Variants in ATP1A1 observed in about 807,000 individuals in gnomAD.
ATP1A1 encodes sodium/potassium-transporting ATPase subunit alpha-1.
In ATP1A1, 14 loss-of-function variants were observed where a neutral mutation model predicts 114.8. That is an observed-to-expected ratio of 0.12 (90% CI 0.08 to 0.19). The LOEUF is 0.19. ATP1A1 is among the 10% of genes least tolerant of loss of function. The pLI, the probability that ATP1A1 is intolerant of heterozygous loss-of-function variation, is 1.00. For missense variants in ATP1A1, 524 were observed against 1,290.7 expected, an observed-to-expected ratio of 0.41 and a Z score of 9.10; for synonymous variants, 471 against 466.3, an observed-to-expected ratio of 1.01 and a Z score of -0.13.
Position 116,393,120 on chromosome 1 carries a change from T to A in ATP1A1, c.1467+132T>A. 1 of 1,285,718 alleles carries A rather than the reference T, an allele frequency of 7.8e-7. No homozygotes were observed. Among genetic ancestry groups the A allele is most frequent in the Non-Finnish European group, 1.1e-6 (1 of 943,274 alleles). 79.6% of individuals were successfully genotyped at this position (1,285,718 alleles called of 1,614,324 possible). A position where few individuals can be genotyped will look rare whatever the true frequency, so the allele number is the denominator to read the frequency against. ...TTTAGCTTTAAATTTTGCCCTTGAT[T>A]ACCATAGAATGCCATAATTTAGTTG... On this transcript the variant is annotated intron_variant, in intron 11 of 22. Coordinates refer to ENST00000295598, the MANE Select transcript of ATP1A1 (RefSeq NM_000701.8). This position sits in a 1 kb window ranked among gnomAD's most constrained non-coding sequence, Gnocchi z 5.0.
At chr1:116,379,436 A>C (rs1162580775) in intron 1 of ATP1A1, among the ~76,000 whole-genome samples, 1 of 152,216 alleles carries the variant, frequency 6.6e-6, no homozygotes, top group Non-Finnish European at 1.5e-5. Context: ...CAGCCATGGT[A>C]CTATGACAGT....
chr1:116,400,029 C>G (rs1653306343), intron 18 of ATP1A1, among the ~76,000 whole-genome samples: 1 of 152,200 alleles, frequency 6.6e-6, no homozygotes, highest in African/African-American at 2.4e-5. Flanking sequence ...CTTCTGCCCC[C>G]ACAGTGCAGC....
At chr1:116,383,326 TA>T in intron 1 of ATP1A1, 1 of 1,075,656 alleles carries the variant, frequency 9.3e-7, no homozygotes, top group Non-Finnish European at 1.1e-6. Context: ...GGGAAGCTGG[TA>T]AAGGTCAGTG....
In ATP1A1 at chr1:116,395,183, C is replaced by T. The variant is rs949638273; in HGVS notation, c.1734C>T (p.Phe578=). The change falls in exon 13 of 23, where the codon TTC becomes TTT. Residue 578 remains phenylalanine (F), a synonymous_variant. Coordinates refer to ENST00000295598, the MANE Select transcript of ATP1A1 (RefSeq NM_000701.8). This position sits in a 1 kb window ranked among gnomAD's most constrained non-coding sequence, Gnocchi z 6.4. ...GFQFDTDDVN[F]PIDNLCFVGL... is the part of the protein sequence containing the mutation. ...AGTTTGACACTGACGATGTGAATTTCCCTATCGATAATCTGTGCTTTGTTG... is the reference window on the plus strand; with the variant it reads ...AGTTTGACACTGACGATGTGAATTTTCCTATCGATAATCTGTGCTTTGTTG... The T allele has an allele frequency of 3.1e-6, 5 of 1,614,030 alleles. No individual in the cohort carries two copies. The highest frequency in any genetic ancestry group is 2.7e-5 in the African/African-American group (2 of 74,918).
At chr1:116,390,716 G>C in intron 9 of ATP1A1, 66 bp from the exon 10 acceptor site, 1 of 1,311,070 alleles carries the variant, frequency 7.6e-7, no homozygotes, top group East Asian at 2.3e-5. Flanking sequence ...TTTAATAGGA[G>C]AACTGAGAAC....
In ATP1A1 at chr1:116,390,529, C is replaced by CTTTTTTTTTTTTT. The variant is rs1261190970; in HGVS notation, c.1222+124_1222+125insTTTTTTTTTTTTT. ...TTAAGCTCATGGCAGCTTTTTCTTT[C>CTTTTTTTTTTTTT]TTTTTTGTTTTTTTTTTTTTTATCA... is the stretch of plus-strand genomic sequence containing the variant. On this transcript the variant is annotated intron_variant, in intron 9 of 22. Transcript: ENST00000295598. The CTTTTTTTTTTTTT allele has an allele frequency of 2.6e-4, 239 of 911,600 alleles. No individual in the cohort carries two copies. In the African/African-American group the frequency reaches 4.8e-3, roughly 18 times the overall value. 56.5% of individuals were successfully genotyped at this position (911,600 alleles called of 1,614,324 possible). A position where few individuals can be genotyped will look rare whatever the true frequency, so the allele number is the denominator to read the frequency against.
chr1:116,394,485 T>C (rs1652740986), intron 12 of ATP1A1, among the ~76,000 whole-genome samples: 1 of 124,892 alleles, frequency 8.0e-6, no homozygotes, highest in Non-Finnish European at 1.5e-5. Context: ...GTGGAAGCAG[T>C]CTCTCTTCTT....
Position 116,393,190 on chromosome 1 carries a change from C to T in ATP1A1, c.1467+202C>T, listed in dbSNP as rs1242085444. Among the ~76,000 whole-genome samples, 1 of 152,034 alleles carries T rather than the reference C, an allele frequency of 6.6e-6. No homozygotes were observed. The highest frequency in any genetic ancestry group is 1.5e-5 in the Non-Finnish European group (1 of 68,014). On this transcript the variant is annotated intron_variant, in intron 11 of 22. Coordinates refer to ENST00000295598, the MANE Select transcript of ATP1A1 (RefSeq NM_000701.8). The surrounding 1 kb of genome is among the most constrained non-coding windows in gnomAD (Gnocchi z 5.0). ...AAGCCTCTTGCAAAACACTGTTGAGCCCTTTTGAATACTTGTGGTTTGGGG... is the reference window on the plus strand; with the variant it reads ...AAGCCTCTTGCAAAACACTGTTGAGTCCTTTTGAATACTTGTGGTTTGGGG...
chr1:116,384,222 T>A lies in ATP1A1; in HGVS notation c.123+98T>A. On this transcript the variant is annotated intron_variant, in intron 2 of 22. Coordinates refer to ENST00000295598, the MANE Select transcript of ATP1A1 (RefSeq NM_000701.8). This position sits in a 1 kb window ranked among gnomAD's most constrained non-coding sequence, Gnocchi z 5.1. Reference sequence around the variant, plus strand: ...GTATTCTTCAAAGAACTGCTATATATTAAAAGAGATCATAGCAGCTGTACA... The same window carrying A: ...GTATTCTTCAAAGAACTGCTATATAATAAAAGAGATCATAGCAGCTGTACA... 1.1e-6 allele frequency: 1 copy of A among 928,518 alleles called. No individual in the cohort carries two copies. Among genetic ancestry groups the A allele is most frequent in the Non-Finnish European group, 1.7e-6 (1 of 605,812 alleles). The allele number at this position is 928,518 out of a possible 1,614,324, so 57.5% of individuals were successfully genotyped here. A position where few individuals can be genotyped will look rare whatever the true frequency, so the allele number is the denominator to read the frequency against.
In ATP1A1 at chr1:116,373,372, C is replaced by G. The variant is rs1026467310; in HGVS notation, c.-140C>G. Reference sequence around the variant, plus strand: ...TCGGCCCGAGCCGCCGGCCGCCCTCCCACCCTCCCGCCCCGCGGCAGCCCT... The same window carrying G: ...TCGGCCCGAGCCGCCGGCCGCCCTCGCACCCTCCCGCCCCGCGGCAGCCCT... On this transcript the variant is annotated 5_prime_UTR_variant, in exon 1 of 23. Transcript: ENST00000295598. 10 of 400,278 alleles carry G rather than the reference C, an allele frequency of 2.5e-5. 1 individual carries two copies. Among genetic ancestry groups the G allele is most frequent in the Admixed American group, 5.2e-5 (1 of 19,140 alleles). The allele number at this position is 400,278 out of a possible 1,614,324, so 24.8% of individuals were successfully genotyped here.
At position 116,398,526 on chromosome 1, in the gene ATP1A1, G is replaced by A. The variant is rs142904371; in HGVS notation, c.2125-95G>A. On this transcript the variant is annotated intron_variant, in intron 15 of 22. Transcript: ENST00000295598. The surrounding 1 kb of genome is among the most constrained non-coding windows in gnomAD (Gnocchi z 6.1). ...ATAGTCTCAATAGGAAAGGAGCAGT[G>A]TCTGTAATGAGTGCTCAGTGGGGGC... 1,096 of 1,447,082 alleles carry A rather than the reference G, an allele frequency of 7.6e-4. 7 individuals carry two copies. Among genetic ancestry groups the A allele is most frequent in the Middle Eastern group, 7.4e-3 (35 of 4,722 alleles). 89.6% of individuals were successfully genotyped at this position (1,447,082 alleles called of 1,614,324 possible). A position where few individuals can be genotyped will look rare whatever the true frequency, so the allele number is the denominator to read the frequency against.
At position 116,393,271 on chromosome 1, in the gene ATP1A1, A is replaced by T. The variant is rs770613805; in HGVS notation, c.1468-260A>T. Among the ~76,000 whole-genome samples the T allele has an allele frequency of 1.3e-5, 2 of 151,760 alleles. No homozygotes were observed. Among genetic ancestry groups the T allele is most frequent in the African/African-American group, 4.9e-5 (2 of 41,228 alleles). ...GGTATGTGTACACAAGTGTTCCCCA[A>T]TCCCTGTGTTCTGAAATTTCGTATG... On this transcript the variant is annotated intron_variant, in intron 11 of 22. Transcript: ENST00000295598. The surrounding 1 kb of genome is among the most constrained non-coding windows in gnomAD (Gnocchi z 5.0).
At position 116,396,778 on chromosome 1, in the gene ATP1A1, A is replaced by G; in HGVS notation, c.1973+44A>G. 2.7e-6 allele frequency: 4 copies of G among 1,506,008 alleles called. No homozygotes were observed. The South Asian group carries it at 4.0e-5, about 15-fold the overall frequency. The allele number at this position is 1,506,008 out of a possible 1,614,324, so 93.3% of individuals were successfully genotyped here. ...ATCACAGTCTGCTGTGAACAAGCAA[A>G]TAGTGATGGTTTAAAATCTTCAGCG... On this transcript the variant is annotated intron_variant, in intron 14 of 22. Coordinates refer to ENST00000295598, the MANE Select transcript of ATP1A1 (RefSeq NM_000701.8).
rs1652291205 is a variant in ATP1A1, at chr1:116,389,265, A to G, written c.755-174A>G. On this transcript the variant is annotated intron_variant, in intron 7 of 22. Transcript: ENST00000295598. The surrounding 1 kb of genome is among the most constrained non-coding windows in gnomAD (Gnocchi z 6.9). ...TGGGTGTTGGAGCTGCTGTCCTGCT[A>G]CTGGAGAGAAGTCCCTTTGCCAAAC... Among the ~76,000 whole-genome samples the G allele has an allele frequency of 6.6e-6, 1 of 152,126 alleles. No homozygotes were observed. The highest frequency in any genetic ancestry group is 2.4e-5 in the African/African-American group (1 of 41,432).
intron 13 of ATP1A1, 96 bp from the exon 14 acceptor site, chr1:116,396,502 G>T: frequency 1.4e-6 from 2 of 1,451,124 alleles, no homozygotes; most frequent in South Asian, 1.3e-5. Context: ...AGTCTAAGCC[G>T]AATCATCCTT....
chr1:116,387,073 G>C lies in ATP1A1; in HGVS notation c.184-215G>C, dbSNP rs1051435164. On this transcript the variant is annotated intron_variant, in intron 3 of 22. Coordinates refer to ENST00000295598, the MANE Select transcript of ATP1A1 (RefSeq NM_000701.8). The surrounding 1 kb of genome is among the most constrained non-coding windows in gnomAD (Gnocchi z 6.7). Reference sequence around the variant, plus strand: ...AAGAGTTTTAATCTGGGTGTTATGAGTTCCTTGGGCCTATTGTTTGCCTGA... The same window carrying C: ...AAGAGTTTTAATCTGGGTGTTATGACTTCCTTGGGCCTATTGTTTGCCTGA... 1.3e-5 allele frequency among the ~76,000 whole-genome samples: 2 copies of C among 152,212 alleles called. No individual in the cohort carries two copies. The highest frequency in any genetic ancestry group is 2.9e-5 in the Non-Finnish European group (2 of 68,036).
At position 116,401,462 on chromosome 1, in the gene ATP1A1, A is replaced by G. The variant is rs1215552813; in HGVS notation, c.2850-92A>G. 3 of 1,450,430 alleles carry G rather than the reference A, an allele frequency of 2.1e-6. No individual in the cohort carries two copies. Among genetic ancestry groups the G allele is most frequent in the Non-Finnish European group, 2.9e-6 (3 of 1,044,998 alleles). 89.8% of individuals were successfully genotyped at this position (1,450,430 alleles called of 1,614,324 possible). On this transcript the variant is annotated intron_variant, in intron 20 of 22. Coordinates refer to ENST00000295598, the MANE Select transcript of ATP1A1 (RefSeq NM_000701.8). This position sits in a 1 kb window ranked among gnomAD's most constrained non-coding sequence, Gnocchi z 4.7. The stretch of plus-strand genomic sequence containing the variant: ...AAGTTTTCAAGTACAGCTAATACAT[A>G]AAGATGTTGATCTGCCATTTTAATG...
In ATP1A1 at chr1:116,399,403, TC is replaced by T; in HGVS notation, c.2449-13del. 6.2e-7 allele frequency: 1 copy of T among 1,610,484 alleles called. No individual in the cohort carries two copies. The highest frequency in any genetic ancestry group is 8.5e-7 in the Non-Finnish European group (1 of 1,178,834). On this transcript the variant is annotated splice_polypyrimidine_tract_variant and intron_variant, in intron 17 of 22. Transcript: ENST00000295598. The surrounding 1 kb of genome is among the most constrained non-coding windows in gnomAD (Gnocchi z 5.0). ...TTATTTTTAGTAACTAAATTCCTTC[TC>T]CCCACCCCTTCCCAGGTTCCTGCCA...
Position 116,389,711 on chromosome 1 carries a change from A to G in ATP1A1, c.1023+4A>G. 6.2e-7 allele frequency: 1 copy of G among 1,614,032 alleles called. No individual in the cohort carries two copies. The highest frequency in any genetic ancestry group is 8.5e-7 in the Non-Finnish European group (1 of 1,179,912). On this transcript the variant is annotated splice_donor_region_variant and intron_variant, in intron 8 of 22. Coordinates refer to ENST00000295598, the MANE Select transcript of ATP1A1 (RefSeq NM_000701.8). The surrounding 1 kb of genome is among the most constrained non-coding windows in gnomAD (Gnocchi z 6.9). ...AGGTTTGCTGGCCACTGTCACGGTA[A>G]GAGGCAGGTGATGGTCACCCTGACT... is the stretch of plus-strand genomic sequence containing the variant.
Sources: allele counts gnomAD v4.1 joint callset (sites outside exome capture counted in the v4.1 genomes callset), GRCh38; gene constraint gnomAD v4.1.1; non-coding constraint Gnocchi (gnomAD v3.1); transcripts MANE v1.5; gene names NCBI Gene and HGNC (gene_info 2026-07-23, HGNC 2026-07-21).